PKD1L3: variants seen among roughly 807,000 people sequenced by gnomAD.
The protein encoded by PKD1L3 is polycystin 1 like 3, transient receptor potential channel interacting.
Under a neutral mutation model 184.1 loss-of-function variants are expected in PKD1L3, and 239 were observed. The observed-to-expected ratio is 1.30, with a 90% CI of 1.17 to 1.45. PKD1L3 has a LOEUF of 1.45. Ranked by LOEUF, PKD1L3 falls within the 40% of genes most tolerant of loss-of-function variation. PKD1L3 has a pLI of 0.00. For missense variants in PKD1L3, 2,660 were observed against 2,067.2 expected (o/e 1.29, Z -5.56); for synonymous variants, 996 against 778.8 (o/e 1.28, Z -4.64).
At chr16:71,931,642 T>C (rs368220078) in intron 28 of PKD1L3, among the ~76,000 whole-genome samples, 1 of 151,932 alleles carries the variant, frequency 6.6e-6, no homozygotes, top group African/African-American at 2.4e-5. Flanking sequence ...TTTTTGTATT[T>C]TAGTAGAGAC....
chr16:71,962,392 T>G (rs16973520), intron 16 of PKD1L3, among the ~76,000 whole-genome samples: 41,819 of 152,124 alleles, frequency 0.27, 6,012 homozygotes, highest in South Asian at 0.41. Flanking sequence ...GAAAGATACA[T>G]GGATACCTAG....
intron 7 of PKD1L3, among the ~76,000 whole-genome samples, chr16:71,981,197 T>A (rs2040137607): frequency 6.6e-6 from 1 of 152,226 alleles, no homozygotes; most frequent in African/African-American, 2.4e-5. Context: ...AACTTGAGTG[T>A]ACAAGTTTCT....
intron 25 of PKD1L3, among the ~76,000 whole-genome samples, chr16:71,935,918 C>T (rs923410888): frequency 1.3e-5 from 2 of 152,088 alleles, no homozygotes; most frequent in Non-Finnish European, 2.9e-5. Flanking sequence ...ACCTCAGCCT[C>T]CCAAGTAGCA....
At chr16:71,967,795 A>T (rs1277503710) in intron 14 of PKD1L3, 111 bp downstream of exon 14, 2 of 884,518 alleles carry the variant, frequency 2.3e-6, no homozygotes, top group African/African-American at 3.4e-5. Flanking sequence ...AGAAAATACC[A>T]ATCTCTAGTC....
intron 4 of PKD1L3, among the ~76,000 whole-genome samples, chr16:71,988,018 G>T (rs1333106679): frequency 1.3e-5 from 2 of 152,112 alleles, no homozygotes; most frequent in African/African-American, 4.8e-5. Flanking sequence ...AGGGAATGCA[G>T]ATGTTATTTT....
At position 71,979,866 on chromosome 16, in the gene PKD1L3, G is replaced by A. The variant is rs1349113973; in HGVS notation, c.1318C>T (p.Pro440Ser). ...GGAAAGCCTAGCCTCACAGGGGCTGGGTGACCCAGAGTGTAAGAGCTCAGC... is the reference window on the plus strand; with the variant it reads ...GGAAAGCCTAGCCTCACAGGGGCTGAGTGACCCAGAGTGTAAGAGCTCAGC... Reference protein sequence around the residue: ...LPLSSYTLGHPAPVRLGFPSA... With the variant: ...LPLSSYTLGHSAPVRLGFPSA... The change falls in exon 9 of 30, where the codon CCA becomes TCA. Residue 440 changes from proline to serine, a missense_variant. Transcript: ENST00000620267. 6.5e-7 allele frequency: 1 copy of A among 1,538,812 alleles called. No individual in the cohort carries two copies. Among genetic ancestry groups the A allele is most frequent in the South Asian group, 1.2e-5 (1 of 81,014 alleles).
At chr16:71,955,563 G>A (rs976721823) in intron 16 of PKD1L3, among the ~76,000 whole-genome samples, 2 of 152,032 alleles carry the variant, frequency 1.3e-5, no homozygotes, top group African/African-American at 4.8e-5. Flanking sequence ...TGAGATCTCA[G>A]CTCATTGCAA....
At chr16:71,995,109 T>G (rs11645582) in intron 2 of PKD1L3, among the ~76,000 whole-genome samples, 32,038 of 152,162 alleles carry the variant, frequency 0.21, 4,136 homozygotes, top group South Asian at 0.43. Flanking sequence ...TGCTCACAGT[T>G]CTGGAGGCTG....
chr16:71,951,474 T>C, intron 19 of PKD1L3, 90 bp downstream of exon 19: 1 of 1,307,732 alleles, frequency 7.6e-7, no homozygotes, highest in Middle Eastern at 2.7e-4. Context: ...GTATCAGGCC[T>C]GTCGGTTATG....
At chr16:71,933,603 TAGA>T in intron 27 of PKD1L3, 82 bp from the exon 28 acceptor site, 1 of 1,026,746 alleles carries the variant, frequency 9.7e-7, no homozygotes, top group Non-Finnish European at 1.5e-6. Flanking sequence ...GTGGCCAACA[TAGA>T]AGCAATGGAA....
At chr16:71,942,455 C>G in intron 24 of PKD1L3, 105 bp downstream of exon 24, 1 of 986,880 alleles carries the variant, frequency 1.0e-6, no homozygotes. Context: ...CTCTCTTGTA[C>G]TCTTCCAGGA....
intron 29 of PKD1L3, 140 bp downstream of exon 29, chr16:71,929,912 G>C: frequency 1.7e-6 from 2 of 1,150,346 alleles, no homozygotes; most frequent in Non-Finnish European, 1.2e-6. Context: ...TAGGAAGATA[G>C]CTGGCAGAGC....
Position 71,993,257 on chromosome 16 carries a change from GTCT to G in PKD1L3, c.491_493del (p.Lys164del), listed in dbSNP as rs867346114. 6.5e-7 allele frequency: 1 copy of G among 1,549,638 alleles called. No individual in the cohort carries two copies. Among genetic ancestry groups the G allele is most frequent in the African/African-American group, 1.4e-5 (1 of 72,780 alleles). ...TCTTGCTATTGCAACTCCTCTTTTT[GTCT>G]TCTTGTGTCTCTGGTACAAATGGGA... On this transcript the variant is annotated inframe_deletion, in exon 3 of 30. Coordinates refer to ENST00000620267, the MANE Select transcript of PKD1L3 (RefSeq NM_181536.2).
chr16:71,933,928 C>T lies in PKD1L3; in HGVS notation c.4811G>A (p.Gly1604Asp). The stretch of plus-strand genomic sequence containing the variant: ...GTGGGGGCTTACGGCAATGGCATAG[C>T]CTGTCAGCAGGATTAGGATGATCAG... ...FLLIILILLT[G>D]YAIAFNLLFG... Residue 1604 changes from glycine to aspartate, a missense_variant, in exon 27 of 30, where the codon GGC becomes GAC. Coordinates refer to ENST00000620267, the MANE Select transcript of PKD1L3 (RefSeq NM_181536.2). 1 of 1,551,218 alleles carries T rather than the reference C, an allele frequency of 6.4e-7. No individual in the cohort carries two copies. Among genetic ancestry groups the T allele is most frequent in the Non-Finnish European group, 8.7e-7 (1 of 1,146,816 alleles).
At position 71,951,704 on chromosome 16, in the gene PKD1L3, G is replaced by C. The variant is rs1171164535; in HGVS notation, c.3050C>G (p.Thr1017Arg). ...CTGCTCACACTTGGAGAGTAGGTAT[G>C]TATTTCTCCTGAGCAGGAATCTCAC... The part of the protein sequence containing the change: ...ETVRFLLRRN[T>R]YLLSKCEQPP... The change falls in exon 19 of 30, where the codon ACA (threonine) becomes AGA (arginine). Residue 1017 changes from threonine to arginine, a missense_variant. Coordinates refer to ENST00000620267, the MANE Select transcript of PKD1L3 (RefSeq NM_181536.2). 9 of 1,551,548 alleles carry C rather than the reference G, an allele frequency of 5.8e-6. No homozygotes were observed. Among genetic ancestry groups the C allele is most frequent in the Admixed American group, 3.9e-5 (2 of 50,952 alleles).
At chr16:71,975,957 CT>C (rs11405422) in intron 11 of PKD1L3, among the ~76,000 whole-genome samples, 122 of 24,156 alleles carry the variant, frequency 5.1e-3, no homozygotes, top group Non-Finnish European at 5.9e-3. Flanking sequence ...TGTTTCTGTT[CT>C]TTTTTTTTTT....
At position 71,935,535 on chromosome 16, in the gene PKD1L3, C is replaced by T. The variant is rs567070774; in HGVS notation, c.4453-17G>A. ...CTGACAACCCTAAACATAGACAGCA[C>T]AGTCACTGTTGCTTGTCTGAGAGAT... On this transcript the variant is annotated splice_polypyrimidine_tract_variant and intron_variant, in intron 25 of 29. Coordinates refer to ENST00000620267, the MANE Select transcript of PKD1L3 (RefSeq NM_181536.2). 3.2e-6 allele frequency: 5 copies of T among 1,549,812 alleles called. No individual in the cohort carries two copies. Among genetic ancestry groups the T allele is most frequent in the African/African-American group, 2.7e-5 (2 of 73,116 alleles).
rs561360622 is a variant in PKD1L3, at chr16:71,980,822, G to A, written c.1144-688C>T. ...TGCACTCCAGCCTGGGCAACAGAGC[G>A]AGACTCTGTCTCATAAAATAAAATA... On this transcript the variant is annotated intron_variant, in intron 7 of 29. Transcript: ENST00000620267. 1.1e-3 allele frequency among the ~76,000 whole-genome samples: 169 copies of A among 152,218 alleles called. 1 individual carries two copies. Among genetic ancestry groups the A allele is most frequent in the Middle Eastern group, 3.4e-3 (1 of 294 alleles).
In PKD1L3 at chr16:71,929,979, C is replaced by G. The variant is rs904184298; in HGVS notation, c.5058+73G>C. 7 of 1,425,756 alleles carry G rather than the reference C, an allele frequency of 4.9e-6. No homozygotes were observed. In the East Asian group the frequency reaches 1.7e-4, roughly 35 times the overall value. The allele number at this position is 1,425,756 out of a possible 1,614,324, so 88.3% of individuals were successfully genotyped here. A position where few individuals can be genotyped will look rare whatever the true frequency, so the allele number is the denominator to read the frequency against. On this transcript the variant is annotated intron_variant, in intron 29 of 29. Transcript: ENST00000620267. ...TGCATTATAAATTATGTCAGCCCGT[C>G]ATCTTAGGGGCAGTTACAGTGGAGC...
Sources: allele counts gnomAD v4.1 joint callset (sites outside exome capture counted in the v4.1 genomes callset), GRCh38; gene constraint gnomAD v4.1.1; transcripts MANE v1.5; gene names NCBI Gene and HGNC (gene_info 2026-07-23, HGNC 2026-07-21).